The following PADI2 variants were observed in gnomAD, a reference collection of about 807,000 sequenced individuals.
PADI2 encodes protein-arginine deiminase type-2.
A neutral mutation model predicts 81.1 loss-of-function variants in PADI2; 70 were observed. The ratio of observed to expected loss-of-function variants is 0.86; its 90% CI spans 0.71 to 1.05. The LOEUF (loss-of-function observed/expected upper bound fraction) is 1.05. Ranked by LOEUF, PADI2 falls within the 50% of genes least tolerant of loss-of-function variation. The pLI is 0.00. For missense variants in PADI2, 853 were observed against 889.9 expected (o/e 0.96, Z 0.53); for synonymous variants, 338 against 358.0 (o/e 0.94, Z 0.63).
In PADI2 at chr1:17,115,955, C is replaced by A. The variant is rs554759141; in HGVS notation, c.92+3325G>T. ...GTCAAGGCATCCATCCCCAGGGGGG[C>A]CAGTTTTGCTGGGAGAGCGTGGGTG... On this transcript the variant is annotated intron_variant, in intron 1 of 15. Coordinates refer to ENST00000375486, the MANE Select transcript of PADI2 (RefSeq NM_007365.3). The surrounding 1 kb of genome is among the most constrained non-coding windows in gnomAD (Gnocchi z 4.1). Among the ~76,000 whole-genome samples, 1 of 152,238 alleles carries A rather than the reference C, an allele frequency of 6.6e-6. No individual in the cohort carries two copies. The highest frequency in any genetic ancestry group is 2.4e-5 in the African/African-American group (1 of 41,460).
chr1:17,088,922 A>AC (rs200377209), intron 6 of PADI2, among the ~76,000 whole-genome samples: 23,744 of 143,894 alleles, frequency 0.17, 3,366 homozygotes, highest in East Asian at 0.47. Context: ...AAAAAAAAAA[A>AC]AAAAAAAAAC....
intron 10 of PADI2, 110 bp downstream of exon 10, chr1:17,082,435 C>A: frequency 1.4e-6 from 1 of 730,230 alleles, no homozygotes; most frequent in Admixed American, 2.1e-5. Context: ...GAAACAGAGG[C>A]TCTGGGCAGC....
intron 13 of PADI2, 130 bp downstream of exon 13, chr1:17,074,726 G>C: frequency 1.7e-6 from 1 of 599,682 alleles, no homozygotes; most frequent in South Asian, 2.0e-5. Context: ...ACAAACCCCC[G>C]ATCGGGCCAG....
rs369641870 is a variant in PADI2, at chr1:17,089,313, G to C, written c.656-2614C>G. Among the ~76,000 whole-genome samples, 565 of 152,352 alleles carry C rather than the reference G, an allele frequency of 3.7e-3. 5 individuals are homozygous for C. The highest frequency in any genetic ancestry group is 2.6e-3 in the Non-Finnish European group (180 of 68,030). On this transcript the variant is annotated intron_variant, in intron 6 of 15. Transcript: ENST00000375486. ...CCCTGTCAGTCAGTAGTTTCAGATAGACTGGCATCATGAAAACATTTTCCT... is the reference window on the plus strand; with the variant it reads ...CCCTGTCAGTCAGTAGTTTCAGATACACTGGCATCATGAAAACATTTTCCT...
intron 10 of PADI2, among the ~76,000 whole-genome samples, chr1:17,082,103 A>C (rs2078348839): frequency 6.6e-6 from 1 of 152,198 alleles, no homozygotes; most frequent in South Asian, 2.1e-4. Flanking sequence ...CTCTTGTCTC[A>C]GAAAACAAAA....
chr1:17,080,057 C>T (rs931431441), intron 10 of PADI2, among the ~76,000 whole-genome samples: 18 of 152,198 alleles, frequency 1.2e-4, no homozygotes, highest in Admixed American at 7.2e-4. Flanking sequence ...TCCCAAAGTG[C>T]TGGGATTACA....
chr1:17,079,506 G>T (rs1318692128), intron 10 of PADI2, 91 bp from the exon 11 acceptor site: 7 of 1,106,452 alleles, frequency 6.3e-6, no homozygotes, highest in Admixed American at 2.2e-5. Flanking sequence ...CTTCAGTCTG[G>T]GTCTGTGGGC....
chr1:17,082,279 G>A (rs1322664863), intron 10 of PADI2, among the ~76,000 whole-genome samples: 1 of 152,136 alleles, frequency 6.6e-6, no homozygotes, highest in Admixed American at 6.5e-5. Flanking sequence ...GCAGGGGCCA[G>A]GGCCTCTGGA....
intron 3 of PADI2, among the ~76,000 whole-genome samples, chr1:17,097,520 C>T (rs77453053): frequency 0.015 from 2,313 of 152,302 alleles, 57 homozygotes; most frequent in African/African-American, 0.053. Flanking sequence ...ATCGCATTCA[C>T]TCCACATTTC....
rs1331173691 is a variant in PADI2 at position 17,068,901 on chromosome 1, G to A, written c.*143C>T. Reference sequence around the variant, plus strand: ...CTGAGGCCCCTCTCAGGGAGGGCAAGGCACAGATACCCCAAATTCCACCCC... The same window carrying A: ...CTGAGGCCCCTCTCAGGGAGGGCAAAGCACAGATACCCCAAATTCCACCCC... On this transcript the variant is annotated 3_prime_UTR_variant, in exon 16 of 16. Coordinates refer to ENST00000375486, the MANE Select transcript of PADI2 (RefSeq NM_007365.3). 1 of 674,308 alleles carries A rather than the reference G, an allele frequency of 1.5e-6. No individual in the cohort carries two copies. Among genetic ancestry groups the A allele is most frequent in the Non-Finnish European group, 2.7e-6 (1 of 376,856 alleles). The allele number at this position is 674,308 out of a possible 1,614,324, so 41.8% of individuals were successfully genotyped here.
intron 11 of PADI2, among the ~76,000 whole-genome samples, chr1:17,078,399 C>T (rs1389175811): frequency 2.6e-5 from 4 of 151,980 alleles, no homozygotes; most frequent in African/African-American, 9.7e-5. Flanking sequence ...GCGTGAGCCA[C>T]CGCACCAGGC....
At chr1:17,082,176 T>G (rs1031683636) in intron 10 of PADI2, among the ~76,000 whole-genome samples, 5 of 152,084 alleles carry the variant, frequency 3.3e-5, no homozygotes, top group African/African-American at 1.2e-4. Flanking sequence ...AACTTGGAAG[T>G]TGGAACCATG....
chr1:17,076,456 G>A lies in PADI2; in HGVS notation c.1311-633C>T, dbSNP rs747012168. Among the ~76,000 whole-genome samples, 13 of 152,180 alleles carry A rather than the reference G, an allele frequency of 8.5e-5. 1 individual carries two copies. The highest frequency in any genetic ancestry group is 7.7e-4 in the East Asian group (4 of 5,174). On this transcript the variant is annotated intron_variant, in intron 11 of 15. Coordinates refer to ENST00000375486, the MANE Select transcript of PADI2 (RefSeq NM_007365.3). Reference sequence around the variant, plus strand: ...TCTTGAACTCCTGACCTCATGATCCGCCCTCCTTGGCCTCCCAAACTGCTG... The same window carrying A: ...TCTTGAACTCCTGACCTCATGATCCACCCTCCTTGGCCTCCCAAACTGCTG...
At chr1:17,092,915 CT>C (rs1289126898) in intron 5 of PADI2, among the ~76,000 whole-genome samples, 1 of 143,332 alleles carries the variant, frequency 7.0e-6, no homozygotes, top group Non-Finnish European at 1.5e-5. Flanking sequence ...TGCCACTGCA[CT>C]CCAGCTTGGG....
intron 2 of PADI2, among the ~76,000 whole-genome samples, chr1:17,103,847 G>A (rs897083302): frequency 2.7e-5 from 4 of 148,312 alleles, no homozygotes; most frequent in Non-Finnish European, 5.9e-5. Flanking sequence ...AGCTGGGCAC[G>A]ATGGCAGGTG....
chr1:17,079,181 T>C, intron 11 of PADI2, 83 bp downstream of exon 11: 5 of 1,242,686 alleles, frequency 4.0e-6, no homozygotes, highest in Non-Finnish European at 4.5e-6. Context: ...TTGCTCCATG[T>C]GTGAGCAACC....
At chr1:17,104,020 C>A (rs898705640) in intron 2 of PADI2, among the ~76,000 whole-genome samples, 1 of 150,794 alleles carries the variant, frequency 6.6e-6, no homozygotes, top group Non-Finnish European at 1.5e-5. Flanking sequence ...CGGTGGCTCA[C>A]GCCTGTAATC....
In PADI2 at chr1:17,070,152, A is replaced by G. The variant is rs755207041; in HGVS notation, c.1700T>C (p.Ile567Thr). ...CATCTTGAACAGAGCGGGCAGGTCA[A>G]TGATGTCCTGCTCTGTCAGTCCCAG... ...KELGLTEQDI[I>T]DLPALFKMDE... Residue 567 changes from isoleucine (I) to threonine (T), a missense_variant, in exon 15 of 16, where the codon ATT (isoleucine) becomes ACT (threonine). Transcript: ENST00000375486. The G allele has an allele frequency of 4.0e-5, 64 of 1,613,970 alleles. No homozygotes were observed. The highest frequency in any genetic ancestry group is 4.7e-5 in the Non-Finnish European group (56 of 1,179,954).
At chr1:17,069,619 G>A (rs1251017109) in intron 15 of PADI2, among the ~76,000 whole-genome samples, 1 of 151,540 alleles carries the variant, frequency 6.6e-6, no homozygotes, top group Non-Finnish European at 1.5e-5. Context: ...GTATTTCTGT[G>A]TGTGCATGTG....
Sources: gnomAD v4.1 joint callset for allele counts (sites outside exome capture counted in the v4.1 genomes callset) on GRCh38, gnomAD v4.1.1 for gene constraint, Gnocchi (gnomAD v3.1) non-coding constraint, MANE v1.5 for transcripts, NCBI Gene and HGNC (gene_info 2026-07-23, HGNC 2026-07-21) for gene names.